KCNQ1OT1: variants seen among roughly 807,000 people sequenced by gnomAD.
The protein encoded by KCNQ1OT1 is KCNQ1 antisense RNA 2 (non-protein coding).
rs964539576 is a variant in KCNQ1OT1 at position 2,620,281 on chromosome 11, A to T, written n.79714T>A. The T allele has an allele frequency of 7.4e-5, 16 of 217,262 alleles. No individual in the cohort carries two copies. Among genetic ancestry groups the T allele is most frequent in the Non-Finnish European group, 1.0e-4 (12 of 114,546 alleles). The allele number at this position is 217,262 out of a possible 1,614,324, so 13.5% of individuals were successfully genotyped here. A position where few individuals can be genotyped will look rare whatever the true frequency, so the allele number is the denominator to read the frequency against. On this transcript the variant is annotated non_coding_transcript_exon_variant, in exon 1 of 1. Transcript: ENST00000597346. The surrounding 1 kb of genome is among the most constrained non-coding windows in gnomAD (Gnocchi z 4.5). Reference sequence around the variant, plus strand: ...GCCCAGGCTGGAGGGCAATGGCATGATCTCGGCTCACTGCAGCCTCCGCCT... The same window carrying T: ...GCCCAGGCTGGAGGGCAATGGCATGTTCTCGGCTCACTGCAGCCTCCGCCT...
At chr11:2,662,791 G>C (rs1849990712) in exon 1 of KCNQ1OT1, 3 of 398,984 alleles carry the variant, frequency 7.5e-6, no homozygotes, top group Non-Finnish European at 8.8e-6. Context: ...AAATGTCTTT[G>C]TGTCAAGATC....
exon 1 of KCNQ1OT1, chr11:2,614,170 C>T: frequency 2.5e-6 from 1 of 398,510 alleles, no homozygotes; most frequent in South Asian, 1.3e-4. Context: ...CGAATCTACC[C>T]CCAAGAGGTG....
exon 1 of KCNQ1OT1, chr11:2,631,104 C>G (rs181130408): frequency 5.0e-6 from 2 of 398,364 alleles, no homozygotes; most frequent in Non-Finnish European, 8.8e-6. Flanking sequence ...CTTCATGTAC[C>G]TAGATGTCCA....
exon 1 of KCNQ1OT1, chr11:2,660,914 A>T (rs1193084244): frequency 1.0e-5 from 4 of 398,556 alleles, no homozygotes; most frequent in Admixed American, 4.4e-5. Context: ...GCTTAAAACT[A>T]TAAGAGCCTG....
Position 2,651,462 on chromosome 11 carries a change from A to G in KCNQ1OT1, n.48533T>C. ...GTGCCTGAAGTCAGAGGTAGTGCTT[A>G]TGAAAGTATCTGGTGGGCTTGCATT... On this transcript the variant is annotated non_coding_transcript_exon_variant, in exon 1 of 1. Coordinates refer to ENST00000597346, the Ensembl canonical transcript of KCNQ1OT1. This position sits in a 1 kb window ranked among gnomAD's most constrained non-coding sequence, Gnocchi z 6.1. 5.0e-6 allele frequency: 2 copies of G among 398,758 alleles called. No homozygotes were observed. Among genetic ancestry groups the G allele is most frequent in the African/African-American group, 2.1e-5 (1 of 48,768 alleles). The allele number at this position is 398,758 out of a possible 1,614,324, so 24.7% of individuals were successfully genotyped here.
chr11:2,649,091 C>T, exon 1 of KCNQ1OT1: 1 of 388,238 alleles, frequency 2.6e-6, no homozygotes, highest in Non-Finnish European at 4.5e-6. Context: ...CCCTTACAGT[C>T]TATGGGTGTC....
Position 2,652,649 on chromosome 11 carries a change from C to T in KCNQ1OT1, n.47346G>A, listed in dbSNP as rs1353140941. ...AGACCTAGACAGTGACTTCCTGCAGCATGGAGACCCGGGTGGGTCGATTTT... is the reference window on the plus strand; with the variant it reads ...AGACCTAGACAGTGACTTCCTGCAGTATGGAGACCCGGGTGGGTCGATTTT... On this transcript the variant is annotated non_coding_transcript_exon_variant, in exon 1 of 1. Coordinates refer to ENST00000597346, the Ensembl canonical transcript of KCNQ1OT1. This position sits in a 1 kb window ranked among gnomAD's most constrained non-coding sequence, Gnocchi z 5.9. 5.0e-6 allele frequency: 2 copies of T among 398,618 alleles called. No individual in the cohort carries two copies. Among genetic ancestry groups the T allele is most frequent in the East Asian group, 7.1e-5 (2 of 28,084 alleles). 24.7% of individuals were successfully genotyped at this position (398,618 alleles called of 1,614,324 possible). A position where few individuals can be genotyped will look rare whatever the true frequency, so the allele number is the denominator to read the frequency against.
rs1215647040 is a variant in KCNQ1OT1, at chr11:2,674,553, C to T, written n.25442G>A. 1.5e-5 allele frequency: 6 copies of T among 398,432 alleles called. No homozygotes were observed. The highest frequency in any genetic ancestry group is 3.6e-5 in the East Asian group (1 of 28,072). The allele number at this position is 398,432 out of a possible 1,614,324, so 24.7% of individuals were successfully genotyped here. A position where few individuals can be genotyped will look rare whatever the true frequency, so the allele number is the denominator to read the frequency against. ...ATTCGGAGGATTTAGACAAATACCT[C>T]GAGTGAGTGAATCTGAAGCATGCTA... On this transcript the variant is annotated non_coding_transcript_exon_variant, in exon 1 of 1. Coordinates refer to ENST00000597346, the Ensembl canonical transcript of KCNQ1OT1. The surrounding 1 kb of genome is among the most constrained non-coding windows in gnomAD (Gnocchi z 5.9).
At position 2,617,109 on chromosome 11, in the gene KCNQ1OT1, A is replaced by T. The variant is rs1486378337; in HGVS notation, n.82886T>A. 2.5e-6 allele frequency: 1 copy of T among 398,206 alleles called. No individual in the cohort carries two copies. The highest frequency in any genetic ancestry group is 4.4e-6 in the Non-Finnish European group (1 of 225,896). The allele number at this position is 398,206 out of a possible 1,614,324, so 24.7% of individuals were successfully genotyped here. ...AGTGAGAAAAGCTATGATCTACTCAATTGGCAAAAATTCCAAATGCAATAT... is the reference window on the plus strand; with the variant it reads ...AGTGAGAAAAGCTATGATCTACTCATTTGGCAAAAATTCCAAATGCAATAT... On this transcript the variant is annotated non_coding_transcript_exon_variant, in exon 1 of 1. Transcript: ENST00000597346. The surrounding 1 kb of genome is among the most constrained non-coding windows in gnomAD (Gnocchi z 4.6).
Position 2,671,505 on chromosome 11 carries a change from C to A in KCNQ1OT1, n.28490G>T, listed in dbSNP as rs1850182855. 1 of 398,550 alleles carries A rather than the reference C, an allele frequency of 2.5e-6. No individual in the cohort carries two copies. The highest frequency in any genetic ancestry group is 3.6e-5 in the East Asian group (1 of 28,064). The allele number at this position is 398,550 out of a possible 1,614,324, so 24.7% of individuals were successfully genotyped here. On this transcript the variant is annotated non_coding_transcript_exon_variant, in exon 1 of 1. Transcript: ENST00000597346. This position sits in a 1 kb window ranked among gnomAD's most constrained non-coding sequence, Gnocchi z 4.7. ...CTGAGAAAGGGATTATTTTTAGGGC[C>A]AATTCAAGGGATTTTTCAAAGGTTA... is the stretch of plus-strand genomic sequence containing the variant.
chr11:2,693,176 A>G (rs1850616911), exon 1 of KCNQ1OT1: 2 of 398,686 alleles, frequency 5.0e-6, no homozygotes, highest in Non-Finnish European at 4.4e-6. Context: ...ACTCATGAAT[A>G]TCTGGTCTGG....
chr11:2,663,077 G>A lies in KCNQ1OT1; in HGVS notation n.36918C>T, dbSNP rs762783426. 77 of 398,656 alleles carry A rather than the reference G, an allele frequency of 1.9e-4. No homozygotes were observed. Among genetic ancestry groups the A allele is most frequent in the Non-Finnish European group, 3.1e-4 (69 of 226,186 alleles). The allele number at this position is 398,656 out of a possible 1,614,324, so 24.7% of individuals were successfully genotyped here. On this transcript the variant is annotated non_coding_transcript_exon_variant, in exon 1 of 1. Coordinates refer to ENST00000597346, the Ensembl canonical transcript of KCNQ1OT1. The surrounding 1 kb of genome is among the most constrained non-coding windows in gnomAD (Gnocchi z 5.2). Reference sequence around the variant, plus strand: ...GAGAACTGGCAGGGTTGGGTAGCCAGAATGAGGCCACCTCCAGGGAAGGAG... The same window carrying A: ...GAGAACTGGCAGGGTTGGGTAGCCAAAATGAGGCCACCTCCAGGGAAGGAG...
In KCNQ1OT1 at chr11:2,669,275, T is replaced by C. The variant is rs1009379676; in HGVS notation, n.30720A>G. On this transcript the variant is annotated non_coding_transcript_exon_variant, in exon 1 of 1. Coordinates refer to ENST00000597346, the Ensembl canonical transcript of KCNQ1OT1. The surrounding 1 kb of genome is among the most constrained non-coding windows in gnomAD (Gnocchi z 5.6). ...TCCCCATCACTGGCTTTGCTGTCTT[T>C]GCAGGGTTTCTCCTCACCATACATA... The C allele has an allele frequency of 7.5e-6, 3 of 398,704 alleles. No homozygotes were observed. The highest frequency in any genetic ancestry group is 8.8e-5 in the Admixed American group (2 of 22,734). The allele number at this position is 398,704 out of a possible 1,614,324, so 24.7% of individuals were successfully genotyped here.
chr11:2,621,555 T>C lies in KCNQ1OT1; in HGVS notation n.78440A>G. Reference sequence around the variant, plus strand: ...ATGCAGAAGCTCTTTAGTTTACCACTGTGATCTCTTTGCTATTGGTCTGTT... The same window carrying C: ...ATGCAGAAGCTCTTTAGTTTACCACCGTGATCTCTTTGCTATTGGTCTGTT... On this transcript the variant is annotated non_coding_transcript_exon_variant, in exon 1 of 1. Coordinates refer to ENST00000597346, the Ensembl canonical transcript of KCNQ1OT1. The surrounding 1 kb of genome is among the most constrained non-coding windows in gnomAD (Gnocchi z 5.7). 1 of 398,522 alleles carries C rather than the reference T, an allele frequency of 2.5e-6. No individual in the cohort carries two copies. The allele number at this position is 398,522 out of a possible 1,614,324, so 24.7% of individuals were successfully genotyped here.
In KCNQ1OT1 at chr11:2,663,848, C is replaced by A; in HGVS notation, n.36147G>T. Reference sequence around the variant, plus strand: ...CTGGTATCAGCACATGCCAAGCTCCCTGGAGCCAGAGGTTACCCACCTGCC... The same window carrying A: ...CTGGTATCAGCACATGCCAAGCTCCATGGAGCCAGAGGTTACCCACCTGCC... On this transcript the variant is annotated non_coding_transcript_exon_variant, in exon 1 of 1. Coordinates refer to ENST00000597346, the Ensembl canonical transcript of KCNQ1OT1. The surrounding 1 kb of genome is among the most constrained non-coding windows in gnomAD (Gnocchi z 5.2). 1 of 398,632 alleles carries A rather than the reference C, an allele frequency of 2.5e-6. No homozygotes were observed. Among genetic ancestry groups the A allele is most frequent in the South Asian group, 1.3e-4 (1 of 7,844 alleles). 24.7% of individuals were successfully genotyped at this position (398,632 alleles called of 1,614,324 possible). A position where few individuals can be genotyped will look rare whatever the true frequency, so the allele number is the denominator to read the frequency against.
chr11:2,608,600 G>A lies in KCNQ1OT1; in HGVS notation n.91395C>T. 2.5e-6 allele frequency: 1 copy of A among 398,426 alleles called. No individual in the cohort carries two copies. Among genetic ancestry groups the A allele is most frequent in the East Asian group, 3.6e-5 (1 of 28,064 alleles). 24.7% of individuals were successfully genotyped at this position (398,426 alleles called of 1,614,324 possible). A position where few individuals can be genotyped will look rare whatever the true frequency, so the allele number is the denominator to read the frequency against. On this transcript the variant is annotated non_coding_transcript_exon_variant, in exon 1 of 1. Transcript: ENST00000597346. This position sits in a 1 kb window ranked among gnomAD's most constrained non-coding sequence, Gnocchi z 4.6. ...AAGTGATCCTTGCCCCTTAGCCTAT[G>A]ACAGGTGTGCACCACAACACCAGCT...
rs1186303441 is a variant in KCNQ1OT1 at position 2,647,693 on chromosome 11, G to GA, written n.52301dup. 4 of 398,336 alleles carry GA rather than the reference G, an allele frequency of 1.0e-5. No homozygotes were observed. The highest frequency in any genetic ancestry group is 8.2e-5 in the African/African-American group (4 of 48,586). 24.7% of individuals were successfully genotyped at this position (398,336 alleles called of 1,614,324 possible). The stretch of plus-strand genomic sequence containing the variant: ...TCATTCCTTGTTATTGCTCTGTTCA[G>GA]ATTTTTTTTCTTCCTGGTTCAATCT... On this transcript the variant is annotated non_coding_transcript_exon_variant, in exon 1 of 1. Transcript: ENST00000597346. The surrounding 1 kb of genome is among the most constrained non-coding windows in gnomAD (Gnocchi z 4.0).
exon 1 of KCNQ1OT1, chr11:2,675,031 C>T (rs1477335385): frequency 2.5e-6 from 1 of 398,492 alleles, no homozygotes; most frequent in African/African-American, 2.1e-5. Flanking sequence ...CTGCCAGAGC[C>T]CAGGTGGGGG....
Position 2,674,620 on chromosome 11 carries a change from C to T in KCNQ1OT1, n.25375G>A. ...AATAGGCTCTGGCTTAAAACAGTCA[C>T]AGCGAAACATGCCTTTGAATTGGAA... On this transcript the variant is annotated non_coding_transcript_exon_variant, in exon 1 of 1. Transcript: ENST00000597346. The surrounding 1 kb of genome is among the most constrained non-coding windows in gnomAD (Gnocchi z 5.9). The T allele has an allele frequency of 2.5e-6, 1 of 398,592 alleles. No individual in the cohort carries two copies. Among genetic ancestry groups the T allele is most frequent in the East Asian group, 3.6e-5 (1 of 28,058 alleles). The allele number at this position is 398,592 out of a possible 1,614,324, so 24.7% of individuals were successfully genotyped here.
Sources: allele counts gnomAD v4.1 joint callset, GRCh38; gene constraint gnomAD v4.1.1; non-coding constraint Gnocchi (gnomAD v3.1); transcripts MANE v1.5; gene names NCBI Gene and HGNC (gene_info 2026-07-23, HGNC 2026-07-21).